The following SMPD3 variants were observed in gnomAD, a reference collection of about 807,000 sequenced individuals.
The protein encoded by SMPD3 is sphingomyelin phosphodiesterase 3.
SMPD3 carries 21 observed loss-of-function variants against 55.7 expected under a neutral mutation model. The ratio of observed to expected loss-of-function variants is 0.38; its 90% CI spans 0.27 to 0.54. SMPD3 has a LOEUF of 0.54. Among genes scored for constraint, SMPD3 ranks in the 20% least tolerant of loss-of-function variants. The pLI, the probability that SMPD3 is intolerant of heterozygous loss-of-function variation, is 0.80. For missense variants in SMPD3, 842 were observed against 899.6 expected (o/e 0.94, Z 0.82); for synonymous variants, 457 against 404.3 (o/e 1.13, Z -1.56).
At chr16:68,376,005 A>G (rs1239210229) in intron 2 of SMPD3, among the ~76,000 whole-genome samples, 1 of 152,206 alleles carries the variant, frequency 6.6e-6, no homozygotes, top group Admixed American at 6.5e-5. Context: ...TCTGCATAGA[A>G]GCCGCTGGCG....
chr16:68,407,025 T>G (rs186938004), intron 1 of SMPD3, among the ~76,000 whole-genome samples: 1 of 152,268 alleles, frequency 6.6e-6, no homozygotes, highest in African/African-American at 2.4e-5. Context: ...TAATGTGGTC[T>G]TTAGATTCCT....
intron 7 of SMPD3, among the ~76,000 whole-genome samples, chr16:68,363,099 T>G (rs1476729262): frequency 6.6e-6 from 1 of 152,174 alleles, no homozygotes; most frequent in Non-Finnish European, 1.5e-5. Context: ...TTTGCCTGAT[T>G]GGTGCTGCAA....
intron 2 of SMPD3, among the ~76,000 whole-genome samples, chr16:68,376,681 G>A (rs939478919): frequency 5.9e-5 from 9 of 152,208 alleles, no homozygotes; most frequent in African/African-American, 1.4e-4. Context: ...TCTCCAGGTC[G>A]TCATAGGTCC....
intron 1 of SMPD3, among the ~76,000 whole-genome samples, chr16:68,389,886 C>T (rs556899756): frequency 6.6e-6 from 1 of 152,320 alleles, no homozygotes; most frequent in African/African-American, 2.4e-5. Flanking sequence ...GGACCTTGCA[C>T]AGGAAAGAGT....
At chr16:68,384,568 G>C (rs966639311) in intron 2 of SMPD3, among the ~76,000 whole-genome samples, 3 of 152,174 alleles carry the variant, frequency 2.0e-5, no homozygotes, top group African/African-American at 7.2e-5. Context: ...CAGAAGGAGG[G>C]ACGGCCTTGT....
intron 1 of SMPD3, among the ~76,000 whole-genome samples, chr16:68,417,875 C>T (rs535762634): frequency 9.9e-5 from 15 of 152,236 alleles, no homozygotes; most frequent in Admixed American, 3.9e-4. Context: ...ACCTGTCTGC[C>T]GGTTACCAGC....
intron 1 of SMPD3, among the ~76,000 whole-genome samples, chr16:68,437,788 C>T (rs1360980381): frequency 1.3e-5 from 2 of 152,140 alleles, no homozygotes; most frequent in Non-Finnish European, 1.5e-5. Context: ...TCATTAGAAG[C>T]GTAGCCATGG....
rs1413192205 is a variant in SMPD3, at chr16:68,361,754, A to C, written c.1715T>G (p.Leu572Arg). Residue 572 changes from leucine (L) to arginine (R), a missense_variant, in exon 8 of 9, where the codon CTG (leucine) becomes CGG (arginine). By Grantham distance (102) the Leu-to-Arg change is moderately radical. Transcript: ENST00000219334. ...CTCCCTGCGGCCCTCCTCACTCTCC[A>C]GGACCCTGTCCACACATGCAGGAGG... ...VCTPDNLQKV[L>R]ESEEGRREYL... 6.2e-7 allele frequency: 1 copy of C among 1,611,530 alleles called. No individual in the cohort carries two copies. The highest frequency in any genetic ancestry group is 1.7e-5 in the Admixed American group (1 of 59,990).
intron 1 of SMPD3, among the ~76,000 whole-genome samples, chr16:68,393,982 C>T (rs1436572419): frequency 3.9e-5 from 6 of 152,152 alleles, no homozygotes; most frequent in Non-Finnish European, 7.3e-5. Flanking sequence ...TCTTGTCATT[C>T]TTACCAATTT....
At chr16:68,437,489 AT>A (rs1250112522) in intron 1 of SMPD3, among the ~76,000 whole-genome samples, 2 of 152,164 alleles carry the variant, frequency 1.3e-5, no homozygotes, top group Non-Finnish European at 2.9e-5. Flanking sequence ...CTAAGGTCTT[AT>A]CCCTGGACAA....
Position 68,361,757 on chromosome 16 carries a change from A to C in SMPD3, c.1712T>G (p.Val571Gly). 6.2e-7 allele frequency: 1 copy of C among 1,610,600 alleles called. No individual in the cohort carries two copies. Among genetic ancestry groups the C allele is most frequent in the South Asian group, 1.1e-5 (1 of 91,036 alleles). The stretch of plus-strand genomic sequence containing the variant: ...CCTGCGGCCCTCCTCACTCTCCAGG[A>C]CCCTGTCCACACATGCAGGAGGCAG... Reference protein sequence around the residue: ...DVCTPDNLQKVLESEEGRREY... With the variant: ...DVCTPDNLQKGLESEEGRREY... Residue 571 changes from valine (V) to glycine (G), a missense_variant and splice_region_variant, in exon 8 of 9, where the codon GTC becomes GGC. Val to Gly is a moderately radical substitution (Grantham distance 109, BLOSUM62 -3). Coordinates refer to ENST00000219334, the MANE Select transcript of SMPD3 (RefSeq NM_018667.4).
chr16:68,434,068 C>T (rs973297067), intron 1 of SMPD3, among the ~76,000 whole-genome samples: 1 of 152,122 alleles, frequency 6.6e-6, no homozygotes, highest in Admixed American at 6.6e-5. Context: ...ATATTGTATA[C>T]ATAAATGTGT....
rs566895906 is a variant in SMPD3 at position 68,391,865 on chromosome 16, G to A, written c.-268-5206C>T. On this transcript the variant is annotated intron_variant, in intron 1 of 8. Coordinates refer to ENST00000219334, the MANE Select transcript of SMPD3 (RefSeq NM_018667.4). ...GAAGTATAGATGGTCTCTGACTTACGATGGTGCGACTTAAGAATTTTCAAC... is the reference window on the plus strand; with the variant it reads ...GAAGTATAGATGGTCTCTGACTTACAATGGTGCGACTTAAGAATTTTCAAC... 3.9e-5 allele frequency among the ~76,000 whole-genome samples: 6 copies of A among 152,302 alleles called. No homozygotes were observed. In the South Asian group the frequency reaches 1.2e-3, roughly 32 times the overall value.
At chr16:68,401,482 G>A (rs1009010902) in intron 1 of SMPD3, among the ~76,000 whole-genome samples, 7 of 152,030 alleles carry the variant, frequency 4.6e-5, no homozygotes, top group South Asian at 2.1e-4. Context: ...GGGCTGGGGC[G>A]TAAGTGGGAT....
rs367757885 is a variant in SMPD3 at position 68,431,456 on chromosome 16, T to A, written c.-269+16897A>T. 3.3e-5 allele frequency among the ~76,000 whole-genome samples: 5 copies of A among 152,288 alleles called. 1 individual carries two copies. The highest frequency in any genetic ancestry group is 1.2e-4 in the African/African-American group (5 of 41,554). The stretch of plus-strand genomic sequence containing the variant: ...GAGAAGGGATGTGGAGTTAAAGCTG[T>A]CTTGCTGGCGATTGTATCAGACCTG... On this transcript the variant is annotated intron_variant, in intron 1 of 8. Transcript: ENST00000219334.
intron 2 of SMPD3, among the ~76,000 whole-genome samples, chr16:68,383,134 C>T (rs2151997922): frequency 6.6e-6 from 1 of 152,312 alleles, no homozygotes; most frequent in Non-Finnish European, 1.5e-5. Flanking sequence ...CCACTGCGCC[C>T]AGCCAGGTTT....
At chr16:68,416,875 T>G (rs1389357644) in intron 1 of SMPD3, among the ~76,000 whole-genome samples, 2 of 152,064 alleles carry the variant, frequency 1.3e-5, no homozygotes, top group East Asian at 3.9e-4. Flanking sequence ...GGGAGGCCCG[T>G]GTCGCTGGAA....
intron 1 of SMPD3, among the ~76,000 whole-genome samples, chr16:68,436,600 CACT>C (rs2152032646): frequency 6.6e-6 from 1 of 152,340 alleles, no homozygotes; most frequent in South Asian, 2.1e-4. Context: ...ACGCTCCACT[CACT>C]ACATATAGGT....
chr16:68,444,494 C>A (rs1472662709), intron 1 of SMPD3, among the ~76,000 whole-genome samples: 2 of 147,608 alleles, frequency 1.4e-5, no homozygotes, highest in Non-Finnish European at 3.0e-5. Context: ...AATCTTAGGG[C>A]CTTTTCCTTC....
Sources: gnomAD v4.1 joint callset for allele counts (sites outside exome capture counted in the v4.1 genomes callset) on GRCh38, gnomAD v4.1.1 for gene constraint, MANE v1.5 for transcripts, NCBI Gene and HGNC (gene_info 2026-07-23, HGNC 2026-07-21) for gene names.